Variants in CELSR2 observed in about 807,000 individuals in gnomAD.
CELSR2 encodes cadherin EGF LAG seven-pass G-type receptor 2.
In CELSR2, 81 loss-of-function variants were observed where a neutral mutation model predicts 251.6. That is an observed-to-expected ratio of 0.32 (90% CI 0.27 to 0.39). The LOEUF is 0.39. Ranked by LOEUF, CELSR2 falls within the 10% of genes least tolerant of loss-of-function variation. The pLI, the probability that CELSR2 is intolerant of heterozygous loss-of-function variation, is 1.00. For missense variants in CELSR2, 3,365 were observed against 3,947.7 expected, an observed-to-expected ratio of 0.85 and a Z score of 3.96; for synonymous variants, 1,721 against 1,670.5, an observed-to-expected ratio of 1.03 and a Z score of -0.74.
chr1:109,270,850 G>A, intron 24 of CELSR2, 77 bp from the exon 25 acceptor site: 1 of 1,116,476 alleles, frequency 9.0e-7, no homozygotes, highest in Non-Finnish European at 1.3e-6. Context: ...CTGGCCCTGT[G>A]AGCCCACCTG....
chr1:109,267,706 C>G, intron 16 of CELSR2, 64 bp downstream of exon 16: 11 of 1,578,270 alleles, frequency 7.0e-6, no homozygotes, highest in Non-Finnish European at 9.5e-6. Context: ...CTTGCCCCCA[C>G]TCCCATCTTT....
intron 1 of CELSR2, among the ~76,000 whole-genome samples, chr1:109,256,644 T>TTTTGTTTG (rs71069670): frequency 6.6e-6 from 1 of 151,426 alleles, no homozygotes; most frequent in Non-Finnish European, 1.5e-5. Flanking sequence ...TGCTATGTGG[T>TTTTGTTTG]TTTGTTTGTT....
At position 109,250,322 on chromosome 1, in the gene CELSR2, C is replaced by A. The variant is rs549732270; in HGVS notation, c.243C>A (p.Gly81=). The A allele has an allele frequency of 5.0e-6, 8 of 1,613,454 alleles. No individual in the cohort carries two copies. In the African/African-American group the frequency reaches 9.3e-5, roughly 19 times the overall value. Residue 81 remains glycine (G), a synonymous_variant, in exon 1 of 34, where the codon GGC becomes GGA. Transcript: ENST00000271332. This position sits in a 1 kb window ranked among gnomAD's most constrained non-coding sequence, Gnocchi z 4.4. ...RCRDAGTELT[G]HLVPHHDGLR... is the part of the protein sequence containing the mutation. ...GGGATGCGGGCACTGAGCTGACTGG[C>A]CACCTGGTACCCCACCACGATGGCC...
At chr1:109,257,384 C>T (rs1247729630) in intron 1 of CELSR2, among the ~76,000 whole-genome samples, 1 of 151,648 alleles carries the variant, frequency 6.6e-6, no homozygotes, top group Non-Finnish European at 1.5e-5. Flanking sequence ...CCCTTCTTGC[C>T]CTGTAAAGCC....
Position 109,273,287 on chromosome 1 carries a change from A to C in CELSR2, c.8460A>C (p.Arg2820=), listed in dbSNP as rs1656427054. ...RLRENGDALS[R]EGSLGPLPGS... is the part of the protein sequence containing the mutation. ...GGGAGAATGGAGATGCCCTGTCTCG[A>C]GAGGGGTCCCTAGGCCCCCTTCCAG... is the stretch of plus-strand genomic sequence containing the variant. Residue 2820 remains arginine (R), a synonymous_variant, in exon 32 of 34, where the codon CGA becomes CGC. Transcript: ENST00000271332. The C allele has an allele frequency of 6.2e-7, 1 of 1,604,844 alleles. No individual in the cohort carries two copies. Among genetic ancestry groups the C allele is most frequent in the Non-Finnish European group, 8.5e-7 (1 of 1,175,310 alleles).
Position 109,267,004 on chromosome 1 carries a change from A to G in CELSR2, c.6014-544A>G, listed in dbSNP as rs531639835. Among the ~76,000 whole-genome samples the G allele has an allele frequency of 1.3e-4, 20 of 152,230 alleles. No individual in the cohort carries two copies. The East Asian group carries it at 3.9e-3, about 29-fold the overall frequency. ...CCAAAGTGCCGAGATTACAGGCGTG[A>G]GCCACCGTGCCCAGCCCACATCTTG... On this transcript the variant is annotated intron_variant, in intron 15 of 33. Transcript: ENST00000271332.
chr1:109,271,109 C>T lies in CELSR2; in HGVS notation c.7596+70C>T, dbSNP rs936321486. 8.6e-6 allele frequency: 13 copies of T among 1,514,170 alleles called. No individual in the cohort carries two copies. The Admixed American group carries it at 1.0e-4, about 12-fold the overall frequency. 93.8% of individuals were successfully genotyped at this position (1,514,170 alleles called of 1,614,324 possible). On this transcript the variant is annotated intron_variant, in intron 25 of 33. Transcript: ENST00000271332. ...TGCTGTCCTCCTGCTGCTGGGGCCG[C>T]GTGTCCTCAGGACTCCCTTTAGGAA...
Position 109,250,050 on chromosome 1 carries a change from GACCCGGCCGCCGGC to G in CELSR2, c.-29_-16del. The stretch of plus-strand genomic sequence containing the variant: ...CGGAGGAGGAGCCGCCGCCGCCGTT[GACCCGGCCGCCGGC>G]CGGGAGCTGGGAGAGATGCGGAGCC... On this transcript the variant is annotated 5_prime_UTR_variant, in exon 1 of 34. It removes the in-frame stop codon of an upstream open reading frame in the 5' UTR. Coordinates refer to ENST00000271332, the MANE Select transcript of CELSR2 (RefSeq NM_001408.3). This position sits in a 1 kb window ranked among gnomAD's most constrained non-coding sequence, Gnocchi z 4.4. 7.6e-7 allele frequency: 1 copy of G among 1,320,870 alleles called. No individual in the cohort carries two copies. Among genetic ancestry groups the G allele is most frequent in the South Asian group, 2.2e-5 (1 of 45,318 alleles). 81.8% of individuals were successfully genotyped at this position (1,320,870 alleles called of 1,614,324 possible).
chr1:109,254,739 C>T (rs1655796857), intron 1 of CELSR2, among the ~76,000 whole-genome samples: 1 of 152,320 alleles, frequency 6.6e-6, no homozygotes, highest in South Asian at 2.1e-4. Flanking sequence ...CCTTGCTGGA[C>T]AGATGCCTCC....
Position 109,251,562 on chromosome 1 carries a change from G to T in CELSR2, c.1483G>T (p.Val495Phe). 6.2e-7 allele frequency: 1 copy of T among 1,613,722 alleles called. No homozygotes were observed. Reference sequence around the variant, plus strand: ...TGTCTCTGGCTTGGTGACAGTACAGGTCCTGGATATCAACGACAATGCCCC... The same window carrying T: ...TGTCTCTGGCTTGGTGACAGTACAGTTCCTGGATATCAACGACAATGCCCC... ...SNVSGLVTVQ[V>F]LDINDNAPIF... The change falls in exon 1 of 34, where the codon GTC becomes TTC. Residue 495 changes from valine (V) to phenylalanine (F), a missense_variant. Physicochemically the swap from Val to Phe is conservative, Grantham distance 50 (BLOSUM62 -1). This residue lies in a region of CELSR2 where 704 missense variants were observed against 784.1 expected (regional missense o/e 0.90). Coordinates refer to ENST00000271332, the MANE Select transcript of CELSR2 (RefSeq NM_001408.3). The surrounding 1 kb of genome is among the most constrained non-coding windows in gnomAD (Gnocchi z 4.9).
rs1656060037 is a variant in CELSR2, at chr1:109,262,940, A to G, written c.4679A>G (p.Asp1560Gly). The G allele has an allele frequency of 6.2e-7, 1 of 1,613,720 alleles. No homozygotes were observed. Among genetic ancestry groups the G allele is most frequent in the East Asian group, 2.2e-5 (1 of 44,878 alleles). Residue 1560 changes from aspartate (D) to glycine (G), a missense_variant, in exon 7 of 34, where the codon GAC (aspartate) becomes GGC (glycine). Asp to Gly is a moderately conservative substitution (Grantham distance 94, BLOSUM62 -1). Coordinates refer to ENST00000271332, the MANE Select transcript of CELSR2 (RefSeq NM_001408.3). ...QVDSRHIDMADFIANNGTVPG... is the reference protein window; with the variant it reads ...QVDSRHIDMAGFIANNGTVPG... ...GACAGCCGGCACATAGACATGGCTG[A>G]CTTCATTGCCAACAATGGCACCGTG...
rs1429452032 is a variant in CELSR2 at position 109,261,643 on chromosome 1, C to T, written c.4297+15C>T. 1 of 1,603,576 alleles carries T rather than the reference C, an allele frequency of 6.2e-7. No homozygotes were observed. Among genetic ancestry groups the T allele is most frequent in the African/African-American group, 1.3e-5 (1 of 74,708 alleles). ...CTTCTCTGCAGGTGATCACAGTTGC[C>T]CCCCATCCTTGCCCATCTTCCAAAG... is the stretch of plus-strand genomic sequence containing the variant. On this transcript the variant is annotated intron_variant, in intron 4 of 33. Coordinates refer to ENST00000271332, the MANE Select transcript of CELSR2 (RefSeq NM_001408.3). The surrounding 1 kb of genome is among the most constrained non-coding windows in gnomAD (Gnocchi z 4.8).
In CELSR2 at chr1:109,271,712, C is replaced by A. The variant is rs767533798; in HGVS notation, c.7916C>A (p.Thr2639Asn). The change falls in exon 28 of 34, where the codon ACC becomes AAC. Residue 2639 changes from threonine (T) to asparagine (N), a missense_variant. This residue lies in a region of CELSR2 where 2,093 missense variants were observed against 2,382.8 expected (regional missense o/e 0.88). Transcript: ENST00000271332. ...SPDPALTTKS[T>N]LTSSYNCPSP... ...GACCCTGCTCTGACCACCAAGTCCA[C>A]CCTGACCTCGGTGAGGGAGCCAGGG... is the stretch of plus-strand genomic sequence containing the variant. 82 of 1,613,866 alleles carry A rather than the reference C, an allele frequency of 5.1e-5. No homozygotes were observed. Among genetic ancestry groups the A allele is most frequent in the South Asian group, 2.9e-4 (26 of 91,082 alleles).
rs1557724888 is a variant in CELSR2 at position 109,249,972 on chromosome 1, C to T, written c.-108C>T. On this transcript the variant is annotated 5_prime_UTR_variant, in exon 1 of 34. Transcript: ENST00000271332. Reference sequence around the variant, plus strand: ...GCCCCGCGGGGCGCACGGGAGGCCCCCGGGGACTGGCGCCCTGGCCCGGGC... The same window carrying T: ...GCCCCGCGGGGCGCACGGGAGGCCCTCGGGGACTGGCGCCCTGGCCCGGGC... 2 of 1,083,218 alleles carry T rather than the reference C, an allele frequency of 1.8e-6. No homozygotes were observed. Among genetic ancestry groups the T allele is most frequent in the Admixed American group, 4.6e-5 (1 of 21,580 alleles). 67.1% of individuals were successfully genotyped at this position (1,083,218 alleles called of 1,614,324 possible).
rs553134785 is a variant in CELSR2, at chr1:109,269,879, G to T, written c.7108-54G>T. 1.5e-5 allele frequency: 25 copies of T among 1,613,634 alleles called. No homozygotes were observed. In the African/African-American group the frequency reaches 3.3e-4, roughly 22 times the overall value. ...GTGGGCACCCAGGGCACGGGGCTGG[G>T]TGCTCAGGTCCTGCCCTTCCTAATT... On this transcript the variant is annotated intron_variant, in intron 22 of 33. Transcript: ENST00000271332. The surrounding 1 kb of genome is among the most constrained non-coding windows in gnomAD (Gnocchi z 6.4).
In CELSR2 at chr1:109,267,641, T is replaced by C. The variant is rs1656240218; in HGVS notation, c.6107T>C (p.Phe2036Ser). The change falls in exon 16 of 34, where the codon TTC becomes TCC. Residue 2036 changes from phenylalanine to serine, a missense_variant and splice_region_variant. Physicochemically the swap from Phe to Ser is radical, Grantham distance 155. This residue lies in a region of CELSR2 where 2,093 missense variants were observed against 2,382.8 expected (regional missense o/e 0.88). Transcript: ENST00000271332. ...ATCACCTTCTCAGAACTGAAGGGCT[T>C]CGTAAGTGAACCCCCTCATCTCCAT... ...TSITFSELKG[F>S]AERLQRNESG... 1 of 1,614,152 alleles carries C rather than the reference T, an allele frequency of 6.2e-7. No individual in the cohort carries two copies. The highest frequency in any genetic ancestry group is 8.5e-7 in the Non-Finnish European group (1 of 1,179,996).
Position 109,268,691 on chromosome 1 carries a change from C to G in CELSR2, c.6429C>G (p.Ala2143=). ...GTAWLLQHYE[A]YASALAQNMR... ...CCTGGCTGCTCCAGCACTATGAGGC[C>G]TACGCCAGTGCCCTGGCCCAGAACA... is the stretch of plus-strand genomic sequence containing the variant. The change falls in exon 18 of 34, where the codon GCC becomes GCG. Residue 2143 remains alanine, a synonymous_variant. Coordinates refer to ENST00000271332, the MANE Select transcript of CELSR2 (RefSeq NM_001408.3). 1 of 1,613,970 alleles carries G rather than the reference C, an allele frequency of 6.2e-7. No homozygotes were observed. Among genetic ancestry groups the G allele is most frequent in the South Asian group, 1.1e-5 (1 of 91,060 alleles).
At position 109,252,581 on chromosome 1, in the gene CELSR2, C is replaced by G; in HGVS notation, c.2502C>G (p.Val834=). 1 of 1,613,932 alleles carries G rather than the reference C, an allele frequency of 6.2e-7. No individual in the cohort carries two copies. Among genetic ancestry groups the G allele is most frequent in the African/African-American group, 1.3e-5 (1 of 75,076 alleles). The stretch of plus-strand genomic sequence containing the variant: ...AGGATGTGCCACCCTTCACTAGCGT[C>G]CTGCAGATCTCAGCCACTGATCGTG... ...VYEDVPPFTS[V]LQISATDRDS... Residue 834 remains valine (V), a synonymous_variant, in exon 1 of 34, where the codon GTC becomes GTG. Transcript: ENST00000271332. This position sits in a 1 kb window ranked among gnomAD's most constrained non-coding sequence, Gnocchi z 4.8.
rs548286043 is a variant in CELSR2, at chr1:109,271,096, G to A, written c.7596+57G>A. ...TGTGGCCCTCCTTTGCTGTCCTCCT[G>A]CTGCTGGGGCCGCGTGTCCTCAGGA... On this transcript the variant is annotated intron_variant, in intron 25 of 33. Coordinates refer to ENST00000271332, the MANE Select transcript of CELSR2 (RefSeq NM_001408.3). 732 of 1,542,840 alleles carry A rather than the reference G, an allele frequency of 4.7e-4. 6 individuals carry two copies. In the South Asian group the frequency reaches 7.6e-3, roughly 16 times the overall value.
Sources: allele counts gnomAD v4.1 joint callset (sites outside exome capture counted in the v4.1 genomes callset), GRCh38; gene constraint gnomAD v4.1.1; regional missense constraint gnomAD v4.1.1; non-coding constraint Gnocchi (gnomAD v3.1); transcripts MANE v1.5; gene names NCBI Gene and HGNC (gene_info 2026-07-23, HGNC 2026-07-21).